Variants in XKR4 observed in about 807,000 individuals in gnomAD.
The protein encoded by XKR4 is XK-related protein 4.
Under a neutral mutation model 53.9 loss-of-function variants are expected in XKR4, and 12 were observed. The ratio of observed to expected loss-of-function variants is 0.22; its 90% confidence interval spans 0.14 to 0.36. XKR4 has a LOEUF of 0.36. Among genes scored for constraint, XKR4 ranks in the 10% least tolerant of loss-of-function variants. The pLI is 1.00. For missense variants in XKR4, 799 were observed against 859.5 expected, an observed-to-expected ratio of 0.93 and a Z score of 0.88; for synonymous variants, 354 against 362.4, an observed-to-expected ratio of 0.98 and a Z score of 0.26.
Position 55,102,694 on chromosome 8 carries a change from C to G in XKR4, c.206C>G (p.Ala69Gly), listed in dbSNP as rs1279059522. The G allele has an allele frequency of 8.5e-7, 1 of 1,175,802 alleles. No individual in the cohort carries two copies. Among genetic ancestry groups the G allele is most frequent in the Non-Finnish European group, 1.1e-6 (1 of 946,572 alleles). The allele number at this position is 1,175,802 out of a possible 1,614,324, so 72.8% of individuals were successfully genotyped here. The stretch of plus-strand genomic sequence containing the variant: ...TGCTCGCGCTGCTGCTGCTGCTGCG[C>G]CGGGAGTGGCGGCTCCGCGGGCTCG... The part of the protein sequence containing the change: ...GGCSRCCCCC[A>G]GSGGSAGSGG... Residue 69 changes from alanine to glycine, a missense_variant, in exon 1 of 3, where the codon GCC becomes GGC. Physicochemically the swap from Ala to Gly is moderately conservative, Grantham distance 60 (BLOSUM62 0). This residue lies in a region of XKR4 where 476 missense variants were observed against 505.4 expected (regional missense o/e 0.94). Transcript: ENST00000327381. This position sits in a 1 kb window ranked among gnomAD's most constrained non-coding sequence, Gnocchi z 5.1.
At chr8:55,419,495 C>A (rs80128458) in intron 2 of XKR4, among the ~76,000 whole-genome samples, 1 of 152,138 alleles carries the variant, frequency 6.6e-6, no homozygotes, top group East Asian at 1.9e-4. Context: ...TAGTTCTAAC[C>A]GTTTTCACTT....
intron 2 of XKR4, among the ~76,000 whole-genome samples, chr8:55,394,098 G>A (rs1804483335): frequency 6.6e-6 from 1 of 152,188 alleles, no homozygotes; most frequent in Admixed American, 6.5e-5. Context: ...TAGCCAAAAT[G>A]ATAAAACTCA....
intron 2 of XKR4, among the ~76,000 whole-genome samples, chr8:55,455,342 A>G (rs994085196): frequency 6.6e-6 from 1 of 151,964 alleles, no homozygotes; most frequent in Non-Finnish European, 1.5e-5. Flanking sequence ...TGAAAATGTT[A>G]TAGAGCTTCA....
At chr8:55,413,584 G>A (rs111568077) in intron 2 of XKR4, among the ~76,000 whole-genome samples, 2,007 of 152,078 alleles carry the variant, frequency 0.013, 42 homozygotes, top group African/African-American at 0.045. Context: ...TTCCTTTTTC[G>A]TGGCAGCAAA....
At chr8:55,428,573 AG>A (rs1222073790) in intron 2 of XKR4, among the ~76,000 whole-genome samples, 1 of 152,168 alleles carries the variant, frequency 6.6e-6, no homozygotes, top group Non-Finnish European at 1.5e-5. Flanking sequence ...GTGTTAGAGA[AG>A]AAGTCCGGAC....
intron 1 of XKR4, among the ~76,000 whole-genome samples, chr8:55,233,366 T>C (rs1231223353): frequency 2.0e-5 from 3 of 151,084 alleles, no homozygotes; most frequent in Admixed American, 6.6e-5. Flanking sequence ...CATTCTAAAT[T>C]CCCACTGGGG....
intron 1 of XKR4, among the ~76,000 whole-genome samples, chr8:55,343,111 G>T (rs1404251266): frequency 1.3e-5 from 2 of 152,130 alleles, no homozygotes; most frequent in Non-Finnish European, 2.9e-5. Context: ...CTCGAGAAGG[G>T]CTCTGCATGC....
intron 2 of XKR4, among the ~76,000 whole-genome samples, chr8:55,513,268 C>T (rs1392442701): frequency 1.3e-5 from 2 of 152,190 alleles, no homozygotes; most frequent in African/African-American, 4.8e-5. Context: ...CCTAAATAGG[C>T]CAGTAACTGT....
chr8:55,515,297 G>C (rs912839133), intron 2 of XKR4, among the ~76,000 whole-genome samples: 17 of 152,104 alleles, frequency 1.1e-4, no homozygotes, highest in Non-Finnish European at 5.9e-5. Flanking sequence ...AGATAAAATG[G>C]CTTCAGTGCA....
At chr8:55,361,344 C>A (rs1419122567) in intron 2 of XKR4, among the ~76,000 whole-genome samples, 2 of 152,030 alleles carry the variant, frequency 1.3e-5, no homozygotes, top group South Asian at 2.1e-4. Flanking sequence ...GGGAGGGAGA[C>A]CCCACTCGAC....
At chr8:55,413,366 C>G (rs1356695105) in intron 2 of XKR4, among the ~76,000 whole-genome samples, 1 of 152,168 alleles carries the variant, frequency 6.6e-6, no homozygotes, top group African/African-American at 2.4e-5. Context: ...GCTGGAATTA[C>G]AGGTGCGCAC....
intron 1 of XKR4, among the ~76,000 whole-genome samples, chr8:55,133,287 C>CT: frequency 6.6e-6 from 1 of 152,270 alleles, no homozygotes. Context: ...ACTGCTCTGG[C>CT]TAAAAACTGC....
chr8:55,297,019 G>A, intron 1 of XKR4, among the ~76,000 whole-genome samples: 1 of 152,174 alleles, frequency 6.6e-6, no homozygotes, highest in South Asian at 2.1e-4. Context: ...ATAAAATAGA[G>A]ATGTTGACTT....
At chr8:55,453,954 G>T in intron 2 of XKR4, 1 of 689,962 alleles carries the variant, frequency 1.4e-6, no homozygotes. Context: ...TCCTCCACCA[G>T]CCCACACTGG....
At chr8:55,451,570 G>T in intron 2 of XKR4, 1 of 1,190,682 alleles carries the variant, frequency 8.4e-7, no homozygotes. Flanking sequence ...CAGCAGTACT[G>T]CCTTGGACCG....
chr8:55,481,186 G>T (rs1267314630), intron 2 of XKR4, among the ~76,000 whole-genome samples: 1 of 128,988 alleles, frequency 7.8e-6, no homozygotes, highest in Non-Finnish European at 1.6e-5. Flanking sequence ...GCATGGTACT[G>T]GTACAAAACA....
intron 1 of XKR4, among the ~76,000 whole-genome samples, chr8:55,166,322 T>C (rs2129357887): frequency 6.6e-6 from 1 of 152,366 alleles, no homozygotes; most frequent in South Asian, 2.1e-4. Context: ...AGCACCATCC[T>C]TCTGCTGACA....
chr8:55,374,299 G>A (rs913605402), intron 2 of XKR4, among the ~76,000 whole-genome samples: 5 of 152,228 alleles, frequency 3.3e-5, no homozygotes. Flanking sequence ...ATTCACCCTT[G>A]AAGGGCTTAC....
intron 1 of XKR4, among the ~76,000 whole-genome samples, chr8:55,341,832 G>A (rs906242660): frequency 2.6e-5 from 4 of 152,062 alleles, no homozygotes; most frequent in Non-Finnish European, 5.9e-5. Flanking sequence ...ATGTATTTAA[G>A]CATGGTGCCT....
Sources: allele counts gnomAD v4.1 joint callset (sites outside exome capture counted in the v4.1 genomes callset), GRCh38; gene constraint gnomAD v4.1.1; regional missense constraint gnomAD v4.1.1; non-coding constraint Gnocchi (gnomAD v3.1); transcripts MANE v1.5; gene names NCBI Gene and HGNC (gene_info 2026-07-23, HGNC 2026-07-21).